RABGAP1: variants seen among roughly 807,000 people sequenced by gnomAD.
The protein encoded by RABGAP1 is rab GTPase-activating protein 1.
RABGAP1 carries 23 observed loss-of-function variants against 137.6 expected under a neutral mutation model. That is an observed-to-expected ratio of 0.17 (90% CI 0.12 to 0.24). The LOEUF (loss-of-function observed/expected upper bound fraction) is 0.24, where lower values mean the gene tolerates loss of function less well. Among genes scored for constraint, RABGAP1 ranks in the 10% least tolerant of loss-of-function variants. RABGAP1 has a pLI of 1.00. For synonymous variants in RABGAP1, 451 were observed against 450.7 expected (o/e 1.00, Z -0.01); for missense variants, 906 against 1,275.8 (o/e 0.71, Z 4.42).
rs374876200 is a variant in RABGAP1, at chr9:123,098,742, G to A, written c.2761G>A (p.Asp921Asn). Residue 921 changes from aspartate to asparagine, a missense_variant, in exon 23 of 26, where the codon GAC becomes AAC. This residue lies in a region of RABGAP1 where 193 missense variants were observed against 248.1 expected (regional missense o/e 0.78). Coordinates refer to ENST00000373647, the MANE Select transcript of RABGAP1 (RefSeq NM_012197.4). The part of the protein sequence containing the change: ...QLKEMCRREL[D>N]KAESEIKKNS... ...AAAAGAAATGTGCCGTCGGGAACTC[G>A]ACAAGGCAGAATCTGAGATTAAAAA... The A allele has an allele frequency of 1.5e-5, 25 of 1,613,784 alleles. 1 individual carries two copies. In the East Asian group the frequency reaches 2.2e-4, roughly 14 times the overall value.
At chr9:123,066,432 T>G (rs2034175291) in intron 14 of RABGAP1, among the ~76,000 whole-genome samples, 1 of 152,244 alleles carries the variant, frequency 6.6e-6, no homozygotes, top group Non-Finnish European at 1.5e-5. Flanking sequence ...CCACTGCCTC[T>G]GGTCCCTCGT....
At chr9:123,065,644 A>T in intron 14 of RABGAP1, 183 bp downstream of exon 14, 1 of 557,362 alleles carries the variant, frequency 1.8e-6, no homozygotes, top group Non-Finnish European at 3.2e-6. Context: ...AGAAAATAAT[A>T]AGAAATAAAA....
chr9:122,938,457 T>A (rs1008245401), upstream of RABGAP1: 3 of 152,212 alleles, frequency 2.0e-5, no homozygotes, highest in African/African-American at 7.2e-5. Context: ...GGGTACAAAG[T>A]CACTTACTGA....
At chr9:123,019,756 T>C (rs1044342238) in intron 12 of RABGAP1, among the ~76,000 whole-genome samples, 2 of 152,170 alleles carry the variant, frequency 1.3e-5, no homozygotes, top group Non-Finnish European at 2.9e-5. Flanking sequence ...GGTGGTGCAA[T>C]CTTGGCTTAC....
At position 123,104,620 on chromosome 9, in the gene RABGAP1, T is replaced by C. The variant is rs2035446953; in HGVS notation, c.*1407T>C. ...TAACGCTTGCTGAGGTTATCTGTAATAAGGGAGGTAACAAGTGGCAACCCC... is the reference window on the plus strand; with the variant it reads ...TAACGCTTGCTGAGGTTATCTGTAACAAGGGAGGTAACAAGTGGCAACCCC... On this transcript the variant is annotated 3_prime_UTR_variant, in exon 26 of 26. Coordinates refer to ENST00000373647, the MANE Select transcript of RABGAP1 (RefSeq NM_012197.4). 1 of 152,364 alleles carries C rather than the reference T, an allele frequency of 6.6e-6. No homozygotes were observed. Among genetic ancestry groups the C allele is most frequent in the African/African-American group, 2.4e-5 (1 of 41,426 alleles). The allele number at this position is 152,364 out of a possible 1,614,324, so 9.4% of individuals were successfully genotyped here.
rs758703178 is a variant in RABGAP1 at position 122,997,329 on chromosome 9, A to T, written c.1172A>T (p.His391Leu). Residue 391 changes from histidine to leucine, a missense_variant, in exon 9 of 26, where the codon CAT becomes CTT. Transcript: ENST00000373647. ...GGGAGCTGGAATCCAAAATCCCCAC[A>T]TTTTCAAGTTGTAAATGAAGAAACT... ...ITGSWNPKSP[H>L]FQVVNEETPK... is the part of the protein sequence containing the mutation. The T allele has an allele frequency of 9.9e-6, 16 of 1,610,802 alleles. No individual in the cohort carries two copies. In the East Asian group the frequency reaches 2.0e-4, roughly 20 times the overall value.
chr9:122,988,037 A>C (rs1836457097), intron 4 of RABGAP1, among the ~76,000 whole-genome samples: 1 of 152,218 alleles, frequency 6.6e-6, no homozygotes, highest in Admixed American at 6.5e-5. Context: ...TATTTAAATA[A>C]CTATTTTGCA....
In RABGAP1 at chr9:123,090,264, C is replaced by A; in HGVS notation, c.2518-11C>A. 6.3e-7 allele frequency: 1 copy of A among 1,597,350 alleles called. No individual in the cohort carries two copies. Among genetic ancestry groups the A allele is most frequent in the Non-Finnish European group, 8.6e-7 (1 of 1,168,722 alleles). On this transcript the variant is annotated splice_polypyrimidine_tract_variant and intron_variant, in intron 20 of 25. Transcript: ENST00000373647. ...TTATGTGTCTGTAACTGGTTTCTTTCTACCCTTCAGCGGGAGAATAGGCGT... is the reference window on the plus strand; with the variant it reads ...TTATGTGTCTGTAACTGGTTTCTTTATACCCTTCAGCGGGAGAATAGGCGT...
Position 123,103,607 on chromosome 9 carries a change from ATATATAT to A in RABGAP1, c.*395_*401del. On this transcript the variant is annotated 3_prime_UTR_variant, in exon 26 of 26. Transcript: ENST00000373647. ...AATATACATATATATATATATATAT[ATATATAT>A]ATATATATATATATATATATATAGT... is the stretch of plus-strand genomic sequence containing the variant. The A allele has an allele frequency of 1.4e-5, 1 of 73,856 alleles. No individual in the cohort carries two copies. The highest frequency in any genetic ancestry group is 4.4e-4 in the East Asian group (1 of 2,274). 4.6% of individuals were successfully genotyped at this position (73,856 alleles called of 1,614,324 possible). A position where few individuals can be genotyped will look rare whatever the true frequency, so the allele number is the denominator to read the frequency against.
intron 19 of RABGAP1, among the ~76,000 whole-genome samples, chr9:123,079,645 C>T (rs1024324213): frequency 1.3e-5 from 2 of 152,160 alleles, no homozygotes; most frequent in African/African-American, 2.4e-5. Flanking sequence ...TCTCCTACTA[C>T]GTTTCCCCCT....
At chr9:123,090,966 T>C (rs1322342908) in intron 21 of RABGAP1, among the ~76,000 whole-genome samples, 1 of 152,186 alleles carries the variant, frequency 6.6e-6, no homozygotes, top group Non-Finnish European at 1.5e-5. Context: ...CTCTCGATCA[T>C]GGTTTAGGTC....
upstream of RABGAP1, chr9:122,937,479 C>T (rs1833403776): frequency 6.6e-6 from 1 of 152,086 alleles, no homozygotes; most frequent in Non-Finnish European, 1.5e-5. Context: ...CGCCTGTAAT[C>T]TCAGCTTTTC....
chr9:122,994,307 A>G (rs1000893634), intron 6 of RABGAP1, among the ~76,000 whole-genome samples: 3 of 152,160 alleles, frequency 2.0e-5, no homozygotes, highest in East Asian at 1.9e-4. Flanking sequence ...CTTTCTGTCT[A>G]TTGTTGTTGT....
intron 1 of RABGAP1, among the ~76,000 whole-genome samples, chr9:122,942,824 C>A (rs1833676853): frequency 6.6e-6 from 1 of 151,606 alleles, no homozygotes; most frequent in Non-Finnish European, 1.5e-5. Flanking sequence ...AATTTTAATT[C>A]AAGATATTAA....
intron 17 of RABGAP1, 76 bp from the exon 18 acceptor site, chr9:123,076,169 G>T: frequency 7.1e-7 from 1 of 1,405,496 alleles, no homozygotes; most frequent in South Asian, 1.3e-5. Flanking sequence ...CTTTAAAAAT[G>T]TGGGGTATAA....
At chr9:123,035,977 TAA>T (rs1000888901) in intron 13 of RABGAP1, among the ~76,000 whole-genome samples, 15 of 152,232 alleles carry the variant, frequency 9.9e-5, no homozygotes, top group Admixed American at 5.2e-4. Flanking sequence ...GTCAGCATTT[TAA>T]AAAGTCATCA....
chr9:123,053,159 CA>C (rs2033560079), intron 13 of RABGAP1, among the ~76,000 whole-genome samples: 1 of 151,816 alleles, frequency 6.6e-6, no homozygotes, highest in Admixed American at 6.6e-5. Flanking sequence ...TTTTTTTTGT[CA>C]CTTTTCTTGG....
At chr9:123,021,649 G>A (rs1026314476) in intron 13 of RABGAP1, among the ~76,000 whole-genome samples, 1 of 152,292 alleles carries the variant, frequency 6.6e-6, no homozygotes, top group South Asian at 2.1e-4. Flanking sequence ...ACATGAGATA[G>A]GACCTTCACC....
At position 123,104,505 on chromosome 9, in the gene RABGAP1, C is replaced by G. The variant is rs2035443840; in HGVS notation, c.*1292C>G. 6.6e-6 allele frequency: 1 copy of G among 152,302 alleles called. No homozygotes were observed. Among genetic ancestry groups the G allele is most frequent in the Non-Finnish European group, 1.5e-5 (1 of 68,022 alleles). 9.4% of individuals were successfully genotyped at this position (152,302 alleles called of 1,614,324 possible). On this transcript the variant is annotated 3_prime_UTR_variant, in exon 26 of 26. Transcript: ENST00000373647. ...ATGGTTTTGTCCTCTTTTCTGCGTT[C>G]AGTGTTGAGGCGGCTGCTTACAAGA...
Sources: gnomAD v4.1 joint callset for allele counts (sites outside exome capture counted in the v4.1 genomes callset) on GRCh38, gnomAD v4.1.1 for gene constraint, gnomAD v4.1.1 regional missense constraint, MANE v1.5 for transcripts, NCBI Gene and HGNC (gene_info 2026-07-23, HGNC 2026-07-21) for gene names.